ETFA: variants seen among roughly 807,000 people sequenced by gnomAD.
The protein encoded by ETFA is electron transfer flavoprotein subunit alpha, mitochondrial.
ETFA carries 22 observed loss-of-function variants against 46.2 expected under a neutral mutation model. The ratio of observed to expected loss-of-function variants is 0.48; its 90% CI spans 0.34 to 0.68. The LOEUF is 0.68. Among genes scored for constraint, ETFA ranks in the 30% least tolerant of loss-of-function variants. ETFA has a pLI of 0.01. For missense variants in ETFA, 345 were observed against 401.1 expected (o/e 0.86, Z 1.19); for synonymous variants, 131 against 139.9 (o/e 0.94, Z 0.45).
rs201470713 is a variant in ETFA at position 76,228,757 on chromosome 15, T to TTA, written c.882+2575_882+2576insTA. The TTA allele has an allele frequency of 1.3e-3, 204 of 160,516 alleles. 2 individuals are homozygous for TTA. In the East Asian group the frequency reaches 0.037, roughly 29 times the overall value. The allele number at this position is 160,516 out of a possible 1,614,324, so 9.9% of individuals were successfully genotyped here. A position where few individuals can be genotyped will look rare whatever the true frequency, so the allele number is the denominator to read the frequency against. On this transcript the variant is annotated intron_variant, in intron 10 of 11. Coordinates refer to ENST00000557943, the MANE Select transcript of ETFA (RefSeq NM_000126.4). ...AACCATATTATTATTATTACTTTTT[T>TTA]TTTTTTTTTTTTTTTTAGATGGAGT... is the stretch of plus-strand genomic sequence containing the variant.
chr15:76,294,734 A>G (rs1006609705), intron 2 of ETFA, among the ~76,000 whole-genome samples: 3 of 152,142 alleles, frequency 2.0e-5, no homozygotes, highest in Non-Finnish European at 2.9e-5. Context: ...TTTTTAGTAG[A>G]GACAGGATTT....
rs563452422 is a variant in ETFA, at chr15:76,241,727, G to A, written c.817-10329C>T. Among the ~76,000 whole-genome samples the A allele has an allele frequency of 4.5e-3, 661 of 148,336 alleles. 5 individuals carry two copies. Among genetic ancestry groups the A allele is most frequent in the African/African-American group, 0.015 (618 of 40,544 alleles). On this transcript the variant is annotated intron_variant, in intron 9 of 11. Coordinates refer to ENST00000557943, the MANE Select transcript of ETFA (RefSeq NM_000126.4). ...TGAGGCAGGAGAATGGCATGAACCC[G>A]GGAGGCAGAGCTGGCAGTGAGCCAA...
chr15:76,248,143 C>T (rs1415452651), intron 9 of ETFA, among the ~76,000 whole-genome samples: 5 of 152,124 alleles, frequency 3.3e-5, no homozygotes, highest in Non-Finnish European at 7.3e-5. Context: ...ACTGCCCAAC[C>T]AGATAACTTT....
At chr15:76,260,759 C>T in intron 9 of ETFA, 1 of 1,604,288 alleles carries the variant, frequency 6.2e-7, no homozygotes. Context: ...GACCCTTGGT[C>T]TGAAAGGGCA....
rs1446698621 is a variant in ETFA at position 76,260,635 on chromosome 15, AG to A, written c.816+13776del. ...TTGTCTTAAACCCAGGACAGTTTAT[AG>A]GGTCCCAGGGGGCCTTCCAAAGGGC... On this transcript the variant is annotated intron_variant, in intron 9 of 11. Transcript: ENST00000557943. The A allele has an allele frequency of 4.6e-6, 7 of 1,535,868 alleles. 1 individual carries two copies. In the Admixed American group the frequency reaches 1.2e-4, roughly 27 times the overall value.
At chr15:76,220,029 C>A (rs748893007) in intron 11 of ETFA, among the ~76,000 whole-genome samples, 1 of 152,258 alleles carries the variant, frequency 6.6e-6, no homozygotes, top group Admixed American at 6.5e-5. Context: ...TACTTGTAGG[C>A]CAATGTTCAC....
chr15:76,238,930 T>C (rs1394403860), intron 9 of ETFA, among the ~76,000 whole-genome samples: 4 of 152,228 alleles, frequency 2.6e-5, no homozygotes, highest in Non-Finnish European at 5.9e-5. Flanking sequence ...GAGTTTCACA[T>C]GAAGGGAAGA....
chr15:76,240,582 G>A (rs937485100), intron 9 of ETFA, among the ~76,000 whole-genome samples: 19 of 151,984 alleles, frequency 1.3e-4, no homozygotes, highest in Non-Finnish European at 8.8e-5. Context: ...TTTAAAACAA[G>A]GACATTAACT....
At chr15:76,288,939 A>G (rs1221604210) in intron 4 of ETFA, among the ~76,000 whole-genome samples, 1 of 9,996 alleles carries the variant, frequency 1.0e-4, no homozygotes, top group Non-Finnish European at 5.4e-4. Flanking sequence ...TTTTTTTGGA[A>G]ACAGGGTCTC....
intron 9 of ETFA, among the ~76,000 whole-genome samples, chr15:76,267,728 A>G (rs938323390): frequency 6.6e-6 from 1 of 152,250 alleles, no homozygotes; most frequent in African/African-American, 2.4e-5. Context: ...TTAACATTAA[A>G]GTTTTTAAAT....
At chr15:76,307,310 T>A (rs1357702416) in intron 1 of ETFA, among the ~76,000 whole-genome samples, 1 of 152,166 alleles carries the variant, frequency 6.6e-6, no homozygotes, top group African/African-American at 2.4e-5. Context: ...AAACTATCTT[T>A]GTTAACAGAT....
At chr15:76,274,254 A>C (rs1400241162) in intron 9 of ETFA, 158 bp downstream of exon 9, 4 of 676,986 alleles carry the variant, frequency 5.9e-6, no homozygotes, top group African/African-American at 1.8e-5. Flanking sequence ...TAGGATCAAG[A>C]ACTACACAGA....
intron 8 of ETFA, among the ~76,000 whole-genome samples, chr15:76,275,281 C>T (rs771422141): frequency 2.0e-5 from 3 of 151,952 alleles, no homozygotes; most frequent in Non-Finnish European, 4.4e-5. Context: ...CCAATATCAG[C>T]GAAACTTAAG....
At position 76,292,691 on chromosome 15, in the gene ETFA, C is replaced by G; in HGVS notation, c.196G>C (p.Asp66His). Residue 66 changes from aspartate to histidine, a missense_variant, in exon 3 of 12, where the codon GAT (aspartate) becomes CAT (histidine). By Grantham distance (81) the Asp-to-His change is moderately conservative. Transcript: ENST00000557943. ...GCTATGCCTGCTACTTTACAGAGAT[C>G]TTGTGCCACCTATGATTAAAAGATA... ...AGTKCDKVAQ[D>H]LCKVAGIAKV... 1.2e-6 allele frequency: 2 copies of G among 1,609,526 alleles called. No homozygotes were observed. Among genetic ancestry groups the G allele is most frequent in the East Asian group, 4.5e-5 (2 of 44,856 alleles).
At chr15:76,302,239 G>A (rs887397826) in intron 1 of ETFA, among the ~76,000 whole-genome samples, 2 of 152,148 alleles carry the variant, frequency 1.3e-5, no homozygotes, top group African/African-American at 4.8e-5. Context: ...GACGTCTACA[G>A]CAGGTTTATT....
chr15:76,308,148 C>A (rs371549969), intron 1 of ETFA, among the ~76,000 whole-genome samples: 3 of 152,272 alleles, frequency 2.0e-5, no homozygotes, highest in South Asian at 4.1e-4. Context: ...AGATAATGTT[C>A]TTCCTTATAG....
At chr15:76,275,143 A>G (rs2469539) in intron 8 of ETFA, among the ~76,000 whole-genome samples, 20,510 of 152,006 alleles carry the variant, frequency 0.13, 1,636 homozygotes, top group African/African-American at 0.22. Context: ...CTGTCCCCAT[A>G]AGCCCCAAAC....
rs184018379 is a variant in ETFA at position 76,227,479 on chromosome 15, G to A, written c.883-1550C>T. ...TTGCAGTGAGCCAAGATTGTGCACCGTATGTTAGCATGGGTGACAGAGTGA... is the reference window on the plus strand; with the variant it reads ...TTGCAGTGAGCCAAGATTGTGCACCATATGTTAGCATGGGTGACAGAGTGA... On this transcript the variant is annotated intron_variant, in intron 10 of 11. Coordinates refer to ENST00000557943, the MANE Select transcript of ETFA (RefSeq NM_000126.4). Among the ~76,000 whole-genome samples, 78 of 134,124 alleles carry A rather than the reference G, an allele frequency of 5.8e-4. 1 individual carries two copies. The highest frequency in any genetic ancestry group is 5.0e-3 in the Admixed American group (62 of 12,292). 88.0% of individuals were successfully genotyped at this position (134,124 alleles called of 152,430 possible).
chr15:76,295,714 A>G lies in ETFA; in HGVS notation c.63T>C (p.Ser21=). The G allele has an allele frequency of 6.2e-7, 1 of 1,612,652 alleles. No individual in the cohort carries two copies. Among genetic ancestry groups the G allele is most frequent in the Non-Finnish European group, 8.5e-7 (1 of 1,179,696 alleles). ...RRAASLLRFQ[S]TLVIAEHAND... ...TTGCATGCTCAGCTATTACCAGGGT[A>G]CTCTGAAATCGTAGCAATGAGGCCT... The change falls in exon 2 of 12, where the codon AGT becomes AGC. Residue 21 remains serine (S), a synonymous_variant. Coordinates refer to ENST00000557943, the MANE Select transcript of ETFA (RefSeq NM_000126.4).
Sources: allele counts gnomAD v4.1 joint callset (sites outside exome capture counted in the v4.1 genomes callset), GRCh38; gene constraint gnomAD v4.1.1; transcripts MANE v1.5; gene names NCBI Gene and HGNC (gene_info 2026-07-23, HGNC 2026-07-21).